PCDHGA1: variants seen among roughly 807,000 people sequenced by gnomAD.
PCDHGA1 encodes the protein protocadherin gamma-A1.
A neutral mutation model predicts 58.0 loss-of-function variants in PCDHGA1; 32 were observed. That is an observed-to-expected ratio of 0.55 (90% CI 0.42 to 0.74). The LOEUF is 0.74. PCDHGA1 is among the 30% of genes least tolerant of loss of function. The pLI is 0.00. For synonymous variants in PCDHGA1, 498 were observed against 501.1 expected (o/e 0.99, Z 0.08); for missense variants, 1,205 against 1,182.3 (o/e 1.02, Z -0.28).
At chr5:141,348,731 G>A (rs1289932029) in intron 1 of PCDHGA1, among the ~76,000 whole-genome samples, 3 of 152,156 alleles carry the variant, frequency 2.0e-5, no homozygotes, top group East Asian at 3.8e-4. Flanking sequence ...GGGAGGAGAA[G>A]TTCATAGTAA....
At position 141,338,553 on chromosome 5, in the gene PCDHGA1, C is replaced by A. The variant is rs183491485; in HGVS notation, c.2421+5448C>A. On this transcript the variant is annotated intron_variant, in intron 1 of 3. Transcript: ENST00000517417. ...CAAGATCATGTTCATTTATACCATT[C>A]TTATTAATCCTGATAAAAAGATTCC... Among the ~76,000 whole-genome samples the A allele has an allele frequency of 8.6e-4, 131 of 152,274 alleles. 1 individual carries two copies. Among genetic ancestry groups the A allele is most frequent in the Non-Finnish European group, 3.5e-4 (24 of 68,018 alleles).
chr5:141,459,699 A>G (rs2098973201), intron 1 of PCDHGA1, among the ~76,000 whole-genome samples: 1 of 152,218 alleles, frequency 6.6e-6, no homozygotes, highest in Non-Finnish European at 1.5e-5. Flanking sequence ...TCCGCTTGCT[A>G]CATTTTCTCA....
At position 141,476,418 on chromosome 5, in the gene PCDHGA1, T is replaced by C. The variant is rs201255025; in HGVS notation, c.2422-18389T>C. On this transcript the variant is annotated intron_variant, in intron 1 of 3. Transcript: ENST00000517417. This position sits in a 1 kb window ranked among gnomAD's most constrained non-coding sequence, Gnocchi z 7.6. The stretch of plus-strand genomic sequence containing the variant: ...GATCGAGAGGAGCTGTGTGGGACAC[T>C]GCCCTCTTGCACTGTAACTCTGGAG... 6.2e-7 allele frequency: 1 copy of C among 1,614,122 alleles called. No individual in the cohort carries two copies. Among genetic ancestry groups the C allele is most frequent in the Non-Finnish European group, 8.5e-7 (1 of 1,180,002 alleles).
intron 1 of PCDHGA1, among the ~76,000 whole-genome samples, chr5:141,429,660 ATATAT>A (rs1388009014): frequency 1.3e-5 from 2 of 152,336 alleles, no homozygotes; most frequent in African/African-American, 4.8e-5. Flanking sequence ...CCAATTTAAA[ATATAT>A]TATTTTATTT....
intron 1 of PCDHGA1, chr5:141,428,120 C>T (rs756805763): frequency 3.7e-6 from 6 of 1,606,528 alleles, no homozygotes; most frequent in East Asian, 4.5e-5. Flanking sequence ...CCATCGAGCC[C>T]GGGCTTTTCA....
chr5:141,354,914 A>G (rs1260517070), intron 1 of PCDHGA1: 3 of 410,088 alleles, frequency 7.3e-6, no homozygotes, highest in African/African-American at 2.0e-5. Context: ...AGAAAAGTGT[A>G]TAAAAAATAA....
intron 1 of PCDHGA1, chr5:141,419,895 C>G (rs1209315374): frequency 6.2e-7 from 1 of 1,613,916 alleles, no homozygotes; most frequent in Non-Finnish European, 8.5e-7. Context: ...AGCGACCATC[C>G]CACACCCTCT....
At chr5:141,413,931 A>T (rs776911095) in intron 1 of PCDHGA1, 1 of 1,613,254 alleles carries the variant, frequency 6.2e-7, no homozygotes, top group Non-Finnish European at 8.5e-7. Flanking sequence ...CAGAATACCG[A>T]GTGAGTGTTC....
chr5:141,390,965 A>G (rs2092279401), intron 1 of PCDHGA1: 1 of 152,252 alleles, frequency 6.6e-6, no homozygotes, highest in Admixed American at 6.5e-5. Context: ...TACTTGTAAC[A>G]TAGGAGTTTC....
At chr5:141,351,598 T>C in intron 1 of PCDHGA1, 1 of 1,614,046 alleles carries the variant, frequency 6.2e-7, no homozygotes. Flanking sequence ...ACAATGCACC[T>C]GTTTTCCATC....
At chr5:141,339,235 C>A (rs1756818472) in intron 1 of PCDHGA1, 1 of 1,614,234 alleles carries the variant, frequency 6.2e-7, no homozygotes, top group Non-Finnish European at 8.5e-7. Flanking sequence ...TCACTGCGAA[C>A]AGGATAGACC....
intron 1 of PCDHGA1, chr5:141,350,588 C>T: frequency 6.2e-7 from 1 of 1,613,962 alleles, no homozygotes; most frequent in Non-Finnish European, 8.5e-7. Flanking sequence ...CGCTGAAAAC[C>T]CAATGAATGT....
intron 1 of PCDHGA1, chr5:141,339,475 G>A (rs1458221680): frequency 1.2e-6 from 2 of 1,614,216 alleles, no homozygotes; most frequent in South Asian, 2.2e-5. Context: ...ACGCCCTTCA[G>A]AAGTACGCAC....
At chr5:141,418,463 C>G in intron 1 of PCDHGA1, 1 of 1,613,944 alleles carries the variant, frequency 6.2e-7, no homozygotes, top group South Asian at 1.1e-5. Context: ...GACTCTGGAC[C>G]GAGAAACGCA....
At chr5:141,414,691 T>A (rs2095777481) in intron 1 of PCDHGA1, 1 of 1,613,848 alleles carries the variant, frequency 6.2e-7, no homozygotes, top group African/African-American at 1.3e-5. Context: ...GGTACCTCTG[T>A]CCTCATACAT....
In PCDHGA1 at chr5:141,476,962, C is replaced by A. The variant is rs2099402286; in HGVS notation, c.2422-17845C>A. On this transcript the variant is annotated intron_variant, in intron 1 of 3. Coordinates refer to ENST00000517417, the MANE Select transcript of PCDHGA1 (RefSeq NM_018912.3). This position sits in a 1 kb window ranked among gnomAD's most constrained non-coding sequence, Gnocchi z 7.6. ...GCCCCAACGGTGAAATTATTTACTCCTTCGGCAGCCACAACCGCGCCGGCG... is the reference window on the plus strand; with the variant it reads ...GCCCCAACGGTGAAATTATTTACTCATTCGGCAGCCACAACCGCGCCGGCG... 2 of 1,614,200 alleles carry A rather than the reference C, an allele frequency of 1.2e-6. No individual in the cohort carries two copies. The highest frequency in any genetic ancestry group is 1.7e-6 in the Non-Finnish European group (2 of 1,180,042).
At chr5:141,346,370 C>T (rs1446206290) in intron 1 of PCDHGA1, 1 of 1,614,238 alleles carries the variant, frequency 6.2e-7, no homozygotes, top group East Asian at 2.2e-5. Flanking sequence ...CGGACACGCT[C>T]ATCAGCCAGG....
At chr5:141,399,641 C>T (rs747527070) in intron 1 of PCDHGA1, 5 of 1,613,852 alleles carry the variant, frequency 3.1e-6, no homozygotes, top group Non-Finnish European at 4.2e-6. Context: ...TCCATGAGCG[C>T]GCAAAGTGGG....
intron 1 of PCDHGA1, chr5:141,403,605 G>A (rs2094432434): frequency 6.2e-7 from 1 of 1,613,690 alleles, no homozygotes; most frequent in Admixed American, 1.7e-5. Context: ...TCGGATGGCG[G>A]CGAGCCGCGT....
Sources: gnomAD v4.1 joint callset for allele counts (sites outside exome capture counted in the v4.1 genomes callset) on GRCh38, gnomAD v4.1.1 for gene constraint, Gnocchi (gnomAD v3.1) non-coding constraint, MANE v1.5 for transcripts, NCBI Gene and HGNC (gene_info 2026-07-23, HGNC 2026-07-21) for gene names.